ARMC10: variants seen among roughly 807,000 people sequenced by gnomAD.
ARMC10 encodes armadillo repeat containing 10, also known as armadillo repeat-containing protein 10.
In ARMC10, 23 loss-of-function variants were observed where a neutral mutation model predicts 30.2. The ratio of observed to expected loss-of-function variants is 0.76; its 90% CI spans 0.55 to 1.08. The LOEUF (loss-of-function observed/expected upper bound fraction) is 1.08, where lower values mean the gene tolerates loss of function less well. Ranked by LOEUF, ARMC10 falls within the 50% of genes least tolerant of loss-of-function variation. ARMC10 has a pLI of 0.00. For missense variants in ARMC10, 303 were observed against 413.7 expected, an observed-to-expected ratio of 0.73 and a Z score of 2.32; for synonymous variants, 111 against 164.4, an observed-to-expected ratio of 0.68 and a Z score of 2.48.
chr7:103,087,819 A>AGGC, intron 4 of ARMC10: 1 of 982,142 alleles, frequency 1.0e-6, no homozygotes, highest in Non-Finnish European at 1.2e-6. Flanking sequence ...AAGTGATGAG[A>AGGC]GGCAAGTACT....
Position 103,075,400 on chromosome 7 carries a change from C to T in ARMC10, c.128C>T (p.Ser43Leu). The stretch of plus-strand genomic sequence containing the variant: ...GACCGCGAGCTCGGGATACGCTCTT[C>T]GAAGTCCGCAGGTGGGACCCCGGGG... Reference protein sequence around the residue: ...RGDRELGIRSSKSAGALEEGT... With the variant: ...RGDRELGIRSLKSAGALEEGT... The change falls in exon 1 of 7, where the codon TCG (serine) becomes TTG (leucine). Residue 43 changes from serine (S) to leucine (L), a missense_variant. This residue lies in a region of ARMC10 where 96 missense variants were observed against 84.2 expected (regional missense o/e 1.14). Coordinates refer to ENST00000323716, the MANE Select transcript of ARMC10 (RefSeq NM_031905.5). 2 of 1,291,388 alleles carry T rather than the reference C, an allele frequency of 1.5e-6. No homozygotes were observed. Among genetic ancestry groups the T allele is most frequent in the Non-Finnish European group, 2.0e-6 (2 of 1,016,590 alleles). The allele number at this position is 1,291,388 out of a possible 1,614,324, so 80.0% of individuals were successfully genotyped here.
intron 4 of ARMC10, chr7:103,087,811 G>A (rs1210020624): frequency 1.0e-6 from 1 of 984,140 alleles, no homozygotes; most frequent in East Asian, 1.1e-4. Context: ...CTATGCAGAA[G>A]TGATGAGAGG....
chr7:103,086,497 A>C, intron 3 of ARMC10, 133 bp from the exon 4 acceptor site: 1 of 942,802 alleles, frequency 1.1e-6, no homozygotes, highest in South Asian at 1.8e-5. Context: ...TATGAATTAA[A>C]TATTTGTATA....
intron 4 of ARMC10, among the ~76,000 whole-genome samples, chr7:103,087,560 T>C (rs996732901): frequency 6.6e-6 from 1 of 152,210 alleles, no homozygotes; most frequent in Admixed American, 6.5e-5. Flanking sequence ...TTATGTTTAT[T>C]ATTGAAACAG....
intron 1 of ARMC10, 57 bp from the exon 2 acceptor site, chr7:103,075,720 C>T (rs574050314): frequency 2.2e-6 from 3 of 1,334,344 alleles, no homozygotes; most frequent in African/African-American, 2.9e-5. Context: ...AGGGATTCTC[C>T]CGATTGTGGA....
chr7:103,090,136 A>G (rs1481148734), intron 4 of ARMC10, among the ~76,000 whole-genome samples: 2 of 152,218 alleles, frequency 1.3e-5, no homozygotes, highest in Non-Finnish European at 2.9e-5. Flanking sequence ...AGGTGGACAC[A>G]GCTGCAGGAA....
intron 3 of ARMC10, 114 bp downstream of exon 3, chr7:103,083,944 T>C (rs920599543): frequency 2.7e-6 from 4 of 1,480,658 alleles, no homozygotes; most frequent in Middle Eastern, 1.7e-4. Context: ...ATCTGTGCAA[T>C]GTGGCTACTT....
chr7:103,096,554 AT>A (rs1357365071), intron 5 of ARMC10: 1 of 152,168 alleles, frequency 6.6e-6, no homozygotes, highest in African/African-American at 2.4e-5. Flanking sequence ...TGTTTTAAAG[AT>A]TATATTTCTT....
intron 3 of ARMC10, 45 bp downstream of exon 3, chr7:103,083,875 A>G: frequency 1.9e-6 from 3 of 1,599,618 alleles, no homozygotes; most frequent in Non-Finnish European, 2.6e-6. Context: ...ATTCTTACAC[A>G]CTAGCGGTAA....
chr7:103,086,088 T>G (rs1255158950), intron 3 of ARMC10, among the ~76,000 whole-genome samples: 7 of 152,206 alleles, frequency 4.6e-5, no homozygotes, highest in Non-Finnish European at 7.3e-5. Flanking sequence ...TAAAGAAACA[T>G]GCTTACTCTT....
rs1349299108 is a variant in ARMC10, at chr7:103,075,898, TGGG to T, written c.244+18_244+20del. On this transcript the variant is annotated intron_variant, in intron 2 of 6. Coordinates refer to ENST00000323716, the MANE Select transcript of ARMC10 (RefSeq NM_031905.5). ...CGCAGCCTGGTGTGTGTTTTGGAAA[TGGG>T]AACAGTTGTCTGCGCGAGACACACC... The T allele has an allele frequency of 6.5e-7, 1 of 1,542,306 alleles. No homozygotes were observed. Among genetic ancestry groups the T allele is most frequent in the Non-Finnish European group, 8.8e-7 (1 of 1,137,372 alleles).
intron 3 of ARMC10, among the ~76,000 whole-genome samples, 155 bp from the exon 4 acceptor site, chr7:103,086,475 A>AT (rs756205276): frequency 1.3e-3 from 198 of 152,144 alleles, no homozygotes; most frequent in Non-Finnish European, 2.4e-3. Flanking sequence ...GGGTAGTGAG[A>AT]TTTTTTTAAA....
chr7:103,091,696 CTT>C (rs1203636762), intron 4 of ARMC10, among the ~76,000 whole-genome samples: 59 of 7,904 alleles, frequency 7.5e-3, no homozygotes, highest in African/African-American at 7.7e-3. Context: ...GGCCTCACAT[CTT>C]CTTCCCTGAT....
In ARMC10 at chr7:103,098,727, A is replaced by G. The variant is rs1264226310; in HGVS notation, c.*174A>G. 3.2e-5 allele frequency: 32 copies of G among 988,834 alleles called. No homozygotes were observed. In the East Asian group the frequency reaches 6.5e-4, roughly 20 times the overall value. 61.3% of individuals were successfully genotyped at this position (988,834 alleles called of 1,614,324 possible). On this transcript the variant is annotated 3_prime_UTR_variant, in exon 7 of 7. Coordinates refer to ENST00000323716, the MANE Select transcript of ARMC10 (RefSeq NM_031905.5). ...TTTATTTTGGACTATTTTGATGCCA[A>G]GTGAATATAAGAGCTTGTACTGAAA... is the stretch of plus-strand genomic sequence containing the variant.
chr7:103,092,497 T>C lies in ARMC10; in HGVS notation c.549T>C (p.Cys183=). The C allele has an allele frequency of 1.3e-6, 2 of 1,589,722 alleles. No homozygotes were observed. Among genetic ancestry groups the C allele is most frequent in the Middle Eastern group, 1.7e-4 (1 of 5,918 alleles). The change falls in exon 5 of 7, where the codon TGT becomes TGC. Residue 183 remains cysteine, a synonymous_variant. Transcript: ENST00000323716. ...IKIKIYISQV[C]EDVFSGPLNS... is the part of the protein sequence containing the mutation. The stretch of plus-strand genomic sequence containing the variant: ...TTCAGATATACATCAGTCAAGTATG[T>C]GAGGATGTCTTCTCTGGTCCTCTGA...
rs1563336861 is a variant in ARMC10 at position 103,099,737 on chromosome 7, T to C, written c.*1184T>C. The C allele has an allele frequency of 1.3e-5, 2 of 152,092 alleles. No individual in the cohort carries two copies. The highest frequency in any genetic ancestry group is 2.4e-5 in the African/African-American group (1 of 41,418). The allele number at this position is 152,092 out of a possible 1,614,324, so 9.4% of individuals were successfully genotyped here. The stretch of plus-strand genomic sequence containing the variant: ...ATGAGCCCAAATTGTATAATCTTTT[T>C]TTAATAAAGGGGAGAAAAATCACTT... On this transcript the variant is annotated 3_prime_UTR_variant, in exon 7 of 7. Transcript: ENST00000323716.
intron 3 of ARMC10, among the ~76,000 whole-genome samples, chr7:103,084,968 G>A (rs944633775): frequency 1.3e-5 from 2 of 152,200 alleles, no homozygotes; most frequent in Admixed American, 6.5e-5. Flanking sequence ...TAGCAGGGAT[G>A]GCTGTGAATA....
Position 103,075,177 on chromosome 7 carries a change from T to G in ARMC10, c.-96T>G. The G allele has an allele frequency of 1.1e-6, 1 of 905,708 alleles. No homozygotes were observed. The highest frequency in any genetic ancestry group is 1.4e-6 in the Non-Finnish European group (1 of 727,642). 56.1% of individuals were successfully genotyped at this position (905,708 alleles called of 1,614,324 possible). A position where few individuals can be genotyped will look rare whatever the true frequency, so the allele number is the denominator to read the frequency against. ...CACATCCAGGTCAGGTGGCGTTTGC[T>G]GTGGCGGCTAGGCCCGCGTGCGCTG... On this transcript the variant is annotated 5_prime_UTR_variant, in exon 1 of 7. Coordinates refer to ENST00000323716, the MANE Select transcript of ARMC10 (RefSeq NM_031905.5).
chr7:103,085,556 A>G (rs1395846193), intron 3 of ARMC10, among the ~76,000 whole-genome samples: 1 of 151,948 alleles, frequency 6.6e-6, no homozygotes, highest in Non-Finnish European at 1.5e-5. Flanking sequence ...AACCAACTGT[A>G]AGACATCCCA....
Sources: gnomAD v4.1 joint callset for allele counts (sites outside exome capture counted in the v4.1 genomes callset) on GRCh38, gnomAD v4.1.1 for gene constraint, gnomAD v4.1.1 regional missense constraint, MANE v1.5 for transcripts, NCBI Gene and HGNC (gene_info 2026-07-23, HGNC 2026-07-21) for gene names.